Variants in B3GALT1 observed in about 807,000 individuals in gnomAD.
The protein encoded by B3GALT1 is UDP-Gal:betaGlcNAc beta 1,3-galactosyltransferase, polypeptide 1.
Under a neutral mutation model 23.2 loss-of-function variants are expected in B3GALT1, and 10 were observed. The observed-to-expected ratio is 0.43, with a 90% CI of 0.27 to 0.73. The LOEUF is 0.73. Ranked by LOEUF, B3GALT1 falls within the 30% of genes least tolerant of loss-of-function variation. The probability of loss-of-function intolerance (pLI) is 0.21; values close to 1 mark genes in which losing one functional copy is unlikely to be tolerated. For synonymous variants in B3GALT1, 156 were observed against 141.5 expected (o/e 1.10, Z -0.73); for missense variants, 299 against 405.4 (o/e 0.74, Z 2.25).
chr2:167,752,575 C>T (rs1402334567), intron 3 of B3GALT1, among the ~76,000 whole-genome samples: 1 of 144,536 alleles, frequency 6.9e-6, no homozygotes, highest in Admixed American at 6.9e-5. Context: ...AGCATCCTCC[C>T]CCCCGCCCCT....
At position 167,868,919 on chromosome 2, in the gene B3GALT1, C is replaced by G; in HGVS notation, c.-121C>G. 8.1e-7 allele frequency: 1 copy of G among 1,230,368 alleles called. No homozygotes were observed. Among genetic ancestry groups the G allele is most frequent in the Non-Finnish European group, 1.1e-6 (1 of 887,354 alleles). 76.2% of individuals were successfully genotyped at this position (1,230,368 alleles called of 1,614,324 possible). Reference sequence around the variant, plus strand: ...ACTGAGGCCCATGGACAATCTCCACCTCACGCTTCTCTATCAAACTTGAAG... The same window carrying G: ...ACTGAGGCCCATGGACAATCTCCACGTCACGCTTCTCTATCAAACTTGAAG... On this transcript the variant is annotated 5_prime_UTR_variant, in exon 5 of 5. Coordinates refer to ENST00000392690, the MANE Select transcript of B3GALT1 (RefSeq NM_020981.4).
Position 167,715,991 on chromosome 2 carries a change from T to C in B3GALT1, c.-352+69025T>C, listed in dbSNP as rs142711430. 1.2e-3 allele frequency: 2,002 copies of C among 1,612,084 alleles called. 19 individuals carry two copies. In the African/African-American group the frequency reaches 0.023, roughly 18 times the overall value. Reference sequence around the variant, plus strand: ...AATCTTGTCTCATACTCTCAGGTAGTGCTGCCACAATTCTGCGTAGCTCCT... The same window carrying C: ...AATCTTGTCTCATACTCTCAGGTAGCGCTGCCACAATTCTGCGTAGCTCCT... On this transcript the variant is annotated intron_variant, in intron 3 of 4. Transcript: ENST00000392690.
Position 167,575,723 on chromosome 2 carries a change from C to T in B3GALT1, c.-409-71186C>T, listed in dbSNP as rs572939127. Among the ~76,000 whole-genome samples, 9 of 151,920 alleles carry T rather than the reference C, an allele frequency of 5.9e-5. No homozygotes were observed. In the South Asian group the frequency reaches 6.2e-4, roughly 10 times the overall value. The stretch of plus-strand genomic sequence containing the variant: ...AAAGCACCTTTTAATTGAAGTTTTA[C>T]GTAGGCAATCTGTAGGCTTACTCAG... On this transcript the variant is annotated intron_variant, in intron 2 of 4. Coordinates refer to ENST00000392690, the MANE Select transcript of B3GALT1 (RefSeq NM_020981.4).
chr2:167,814,187 TA>T (rs954340356), intron 3 of B3GALT1, among the ~76,000 whole-genome samples: 26 of 152,252 alleles, frequency 1.7e-4, no homozygotes, highest in Admixed American at 3.3e-4. Flanking sequence ...TTGATCGTTC[TA>T]GTACTTATTA....
chr2:167,775,665 T>G (rs913054180), intron 3 of B3GALT1, among the ~76,000 whole-genome samples: 3 of 146,170 alleles, frequency 2.1e-5, no homozygotes, highest in African/African-American at 7.7e-5. Flanking sequence ...ATAACTCCAA[T>G]TTATTTTTGA....
intron 2 of B3GALT1, among the ~76,000 whole-genome samples, chr2:167,604,401 T>C (rs1216356201): frequency 6.6e-6 from 1 of 152,240 alleles, no homozygotes; most frequent in African/African-American, 2.4e-5. Context: ...TTACTGAGTA[T>C]GCAGTTGTGT....
rs1165376976 is a variant in B3GALT1 at position 167,843,940 on chromosome 2, A to G, written c.-229-24871A>G. ...TGTGAAGTTTCTAGGACAAGGCTTT[A>G]TAGAACCAAGAACAATGTCATCTGT... is the stretch of plus-strand genomic sequence containing the variant. On this transcript the variant is annotated intron_variant, in intron 4 of 4. Coordinates refer to ENST00000392690, the MANE Select transcript of B3GALT1 (RefSeq NM_020981.4). Among the ~76,000 whole-genome samples, 3 of 152,234 alleles carry G rather than the reference A, an allele frequency of 2.0e-5. No individual in the cohort carries two copies. In the East Asian group the frequency reaches 5.8e-4, roughly 29 times the overall value.
intron 1 of B3GALT1, among the ~76,000 whole-genome samples, chr2:167,459,522 A>C (rs1000566385): frequency 5.9e-5 from 9 of 152,196 alleles, no homozygotes; most frequent in Non-Finnish European, 1.0e-4. Flanking sequence ...AATATGTAGA[A>C]AACAAAATGT....
chr2:167,472,537 A>G (rs951345723), intron 1 of B3GALT1, among the ~76,000 whole-genome samples: 2 of 152,116 alleles, frequency 1.3e-5, no homozygotes, highest in Non-Finnish European at 2.9e-5. Context: ...ACCTCTAATT[A>G]CTTACCATTA....
intron 1 of B3GALT1, among the ~76,000 whole-genome samples, chr2:167,477,662 T>G (rs1315614329): frequency 6.6e-6 from 1 of 152,194 alleles, no homozygotes; most frequent in Non-Finnish European, 1.5e-5. Context: ...ATAGAGTACA[T>G]TACCAATTCT....
chr2:167,805,132 G>C (rs929866155), intron 3 of B3GALT1, among the ~76,000 whole-genome samples: 1 of 152,152 alleles, frequency 6.6e-6, no homozygotes, highest in African/African-American at 2.4e-5. Flanking sequence ...CTTCTTGTGA[G>C]AAGTGTCTGT....
At chr2:167,534,059 GTTTTC>G (rs1029348218) in intron 2 of B3GALT1, among the ~76,000 whole-genome samples, 6 of 151,972 alleles carry the variant, frequency 3.9e-5, no homozygotes, top group East Asian at 1.9e-4. Flanking sequence ...ATATTAATGT[GTTTTC>G]TTTGTCTCTG....
At chr2:167,715,504 T>G (rs2105522382) in intron 3 of B3GALT1, 1 of 1,611,976 alleles carries the variant, frequency 6.2e-7, no homozygotes, top group Non-Finnish European at 8.5e-7. Context: ...TGGCTTCAGC[T>G]ATTTGTGATT....
intron 2 of B3GALT1, among the ~76,000 whole-genome samples, chr2:167,619,756 A>G (rs1307654095): frequency 6.6e-6 from 1 of 152,116 alleles, no homozygotes; most frequent in Admixed American, 6.6e-5. Context: ...GTCAACTGTG[A>G]AATTTCTGTG....
At chr2:167,458,268 G>T (rs928941317) in intron 1 of B3GALT1, among the ~76,000 whole-genome samples, 1 of 152,140 alleles carries the variant, frequency 6.6e-6, no homozygotes, top group African/African-American at 2.4e-5. Context: ...ACTTTCATCT[G>T]TGTTGTAGCA....
rs1376077130 is a variant in B3GALT1, at chr2:167,694,441, A to ATAT, written c.-352+47475_-352+47476insTAT. Among the ~76,000 whole-genome samples the ATAT allele has an allele frequency of 2.0e-3, 299 of 152,002 alleles. 4 individuals are homozygous for ATAT. The highest frequency in any genetic ancestry group is 7.0e-3 in the African/African-American group (288 of 41,316). The stretch of plus-strand genomic sequence containing the variant: ...GTAACAAAACTTCCTCCATTTTGTT[A>ATAT]ACTTAACTATGTAAACAAGGCTCTC... On this transcript the variant is annotated intron_variant, in intron 3 of 4. Transcript: ENST00000392690.
intron 1 of B3GALT1, among the ~76,000 whole-genome samples, chr2:167,428,083 C>G (rs895164273): frequency 6.6e-6 from 1 of 152,052 alleles, no homozygotes; most frequent in Non-Finnish European, 1.5e-5. Context: ...GTTTTTGCCA[C>G]TAAGTGTTAT....
chr2:167,580,634 A>G (rs1281202235), intron 2 of B3GALT1, among the ~76,000 whole-genome samples: 1 of 152,146 alleles, frequency 6.6e-6, no homozygotes, highest in African/African-American at 2.4e-5. Context: ...TAAAATATCA[A>G]TAAGCTTTTG....
intron 3 of B3GALT1, among the ~76,000 whole-genome samples, chr2:167,730,124 T>G (rs1164708683): frequency 6.6e-6 from 1 of 152,166 alleles, no homozygotes; most frequent in Non-Finnish European, 1.5e-5. Flanking sequence ...CTGCACAACA[T>G]TGTAAATGGT....
Sources: gnomAD v4.1 joint callset for allele counts (sites outside exome capture counted in the v4.1 genomes callset) on GRCh38, gnomAD v4.1.1 for gene constraint, MANE v1.5 for transcripts, NCBI Gene and HGNC (gene_info 2026-07-23, HGNC 2026-07-21) for gene names.